The following ZNF568 variants were observed in gnomAD, a reference collection of about 807,000 sequenced individuals.
ZNF568 encodes the protein zinc finger protein 568.
Under a neutral mutation model 18.1 loss-of-function variants are expected in ZNF568, and 11 were observed. The ratio of observed to expected loss-of-function variants is 0.61; its 90% CI spans 0.38 to 1.00. The LOEUF (loss-of-function observed/expected upper bound fraction) is 1.00. Ranked by LOEUF, ZNF568 falls within the 50% of genes least tolerant of loss-of-function variation. ZNF568 has a pLI of 0.01. For synonymous variants in ZNF568, 213 were observed against 246.6 expected, an observed-to-expected ratio of 0.86 and a Z score of 1.28; for missense variants, 639 against 768.2, an observed-to-expected ratio of 0.83 and a Z score of 1.99.
Position 36,949,559 on chromosome 19 carries a change from G to A in ZNF568, c.406G>A (p.Val136Met). Residue 136 changes from valine (V) to methionine (M), a missense_variant, in exon 7 of 7, where the codon GTG becomes ATG. Physicochemically the swap from Val to Met is conservative, Grantham distance 21. Coordinates refer to ENST00000333987, the MANE Select transcript of ZNF568 (RefSeq NM_198539.4). ...EQIKKQQETLVRKVTSISKKI... is the reference protein window; with the variant it reads ...EQIKKQQETLMRKVTSISKKI... ...GATCAAGAAGCAACAGGAAACACTT[G>A]TGAGGAAAGTCACATCCATCTCCAA... The A allele has an allele frequency of 6.2e-7, 1 of 1,608,486 alleles. No individual in the cohort carries two copies. The highest frequency in any genetic ancestry group is 8.5e-7 in the Non-Finnish European group (1 of 1,177,814).
At chr19:36,976,902 C>T (rs892788941) in intron 7 of ZNF568, among the ~76,000 whole-genome samples, 3 of 150,272 alleles carry the variant, frequency 2.0e-5, no homozygotes, top group African/African-American at 7.4e-5. Flanking sequence ...AAGAGCAAAA[C>T]TCCGTCTAAG....
At position 36,950,441 on chromosome 19, in the gene ZNF568, AGTTCATCCCTAACC is replaced by A. The variant is rs1415605824; in HGVS notation, c.1291_1304del (p.Ser431ThrfsTer8). 2 of 1,613,022 alleles carry A rather than the reference AGTTCATCCCTAACC, an allele frequency of 1.2e-6. No individual in the cohort carries two copies. Among genetic ancestry groups the A allele is most frequent in the Non-Finnish European group, 1.7e-6 (2 of 1,179,376 alleles). ...TGAATGTGGGAAAGCCTTCTCTCAG[AGTTCATCCCTAACC>A]GTACATATGCGAAATCATACAGCTG... On this transcript the variant is annotated frameshift_variant, in exon 7 of 7. Transcript: ENST00000333987. LOFTEE classifies it low-confidence loss of function (END_TRUNC).
At chr19:36,975,732 T>A (rs1306984853) in intron 7 of ZNF568, among the ~76,000 whole-genome samples, 1 of 132,290 alleles carries the variant, frequency 7.6e-6, no homozygotes, top group Admixed American at 8.3e-5. Flanking sequence ...TCACTCAGGC[T>A]GGAGTGCAGT....
intron 2 of ZNF568, chr19:36,991,123 T>G: frequency 6.7e-7 from 1 of 1,500,676 alleles, no homozygotes; most frequent in Admixed American, 2.2e-5. Context: ...TTATGTTGTC[T>G]TAAAGATTTT....
intron 6 of ZNF568, among the ~76,000 whole-genome samples, chr19:36,958,624 T>TC (rs1356741121): frequency 7.2e-6 from 1 of 139,234 alleles, no homozygotes; most frequent in Non-Finnish European, 1.5e-5. Flanking sequence ...TTCTTTTTTT[T>TC]TTTTTTTTTT....
intron 6 of ZNF568, among the ~76,000 whole-genome samples, chr19:36,946,516 T>C (rs528924802): frequency 6.6e-6 from 1 of 151,994 alleles, no homozygotes; most frequent in Non-Finnish European, 1.5e-5. Flanking sequence ...TTTGTTTAAA[T>C]AAGGAATCCA....
intron 2 of ZNF568, among the ~76,000 whole-genome samples, chr19:36,919,096 G>T (rs1343511893): frequency 6.6e-6 from 1 of 152,148 alleles, no homozygotes; most frequent in Admixed American, 6.5e-5. Flanking sequence ...ACAAACATGG[G>T]TATACAACTA....
chr19:36,937,336 A>G, intron 6 of ZNF568, 94 bp downstream of exon 6: 2 of 1,012,238 alleles, frequency 2.0e-6, no homozygotes, highest in Non-Finnish European at 1.5e-6. Context: ...AGATTTTCTT[A>G]AAGGCCTTAT....
downstream of ZNF568, among the ~76,000 whole-genome samples, chr19:36,980,868 C>T (rs761916458): frequency 4.6e-5 from 7 of 152,180 alleles, no homozygotes; most frequent in East Asian, 1.9e-4. Flanking sequence ...TGATACCACA[C>T]GGCTCAAAGT....
intron 1 of ZNF568, 78 bp from the exon 2 acceptor site, chr19:36,917,501 T>G (rs192296930): frequency 1.3e-5 from 2 of 152,348 alleles, no homozygotes; most frequent in African/African-American, 2.4e-5. Context: ...CTCTTTTGTC[T>G]GATAATATTG....
At chr19:36,967,229 G>C (rs1216896447) in intron 6 of ZNF568, among the ~76,000 whole-genome samples, 2 of 152,126 alleles carry the variant, frequency 1.3e-5, no homozygotes, top group Admixed American at 6.5e-5. Context: ...TATAGTTTCT[G>C]TCCTATCATT....
At chr19:36,930,932 C>A (rs144631581) in intron 4 of ZNF568, among the ~76,000 whole-genome samples, 212 of 152,260 alleles carry the variant, frequency 1.4e-3, no homozygotes, top group African/African-American at 4.8e-3. Context: ...AGTATTTCAG[C>A]ATTTTTTTTC....
At chr19:36,995,691 T>C (rs936285935) in intron 4 of ZNF568, among the ~76,000 whole-genome samples, 4 of 152,188 alleles carry the variant, frequency 2.6e-5, no homozygotes, top group Non-Finnish European at 5.9e-5. Context: ...TTGTTTCGTA[T>C]ACAGTAGTCT....
downstream of ZNF568, among the ~76,000 whole-genome samples, chr19:36,956,566 G>A (rs1196574609): frequency 2.0e-5 from 3 of 151,628 alleles, no homozygotes; most frequent in Non-Finnish European, 2.9e-5. Flanking sequence ...TAGACATTTT[G>A]CAACAGTAGT....
chr19:36,969,388 C>T (rs992720220), intron 6 of ZNF568, among the ~76,000 whole-genome samples: 2 of 151,892 alleles, frequency 1.3e-5, no homozygotes, highest in African/African-American at 2.4e-5. Flanking sequence ...TGAAAGAGAG[C>T]GAAAGAAAAT....
intron 4 of ZNF568, among the ~76,000 whole-genome samples, chr19:36,927,686 C>A (rs956379911): frequency 6.6e-6 from 1 of 150,488 alleles, no homozygotes; most frequent in Non-Finnish European, 1.5e-5. Context: ...TACTTTGGGA[C>A]CTCTGGGCTT....
Position 36,952,434 on chromosome 19 carries a change from T to C in ZNF568, c.*1346T>C, listed in dbSNP as rs181851953. On this transcript the variant is annotated 3_prime_UTR_variant, in exon 7 of 7. Coordinates refer to ENST00000333987, the MANE Select transcript of ZNF568 (RefSeq NM_198539.4). ...CCAGATCCATATTGTGTAACATGGA[T>C]AGTTAAAACAATGTTGAATGAAAAA... 6 of 152,334 alleles carry C rather than the reference T, an allele frequency of 3.9e-5. No individual in the cohort carries two copies. Among genetic ancestry groups the C allele is most frequent in the African/African-American group, 1.4e-4 (6 of 41,586 alleles). The allele number at this position is 152,334 out of a possible 1,614,324, so 9.4% of individuals were successfully genotyped here.
At chr19:36,997,416 C>A (rs747406853), downstream of ZNF568, 3 of 1,586,368 alleles carry the variant, frequency 1.9e-6, no homozygotes, top group South Asian at 1.1e-5. Flanking sequence ...TTACTTGTAG[C>A]ACAGAACTTG....
At chr19:36,987,842 G>GTGTGTGTGTGTGTA (rs1189895543) in intron 2 of ZNF568, among the ~76,000 whole-genome samples, 1,906 of 151,862 alleles carry the variant, frequency 0.013, 40 homozygotes, top group African/African-American at 0.043. Context: ...GTGTGTGTGT[G>GTGTGTGTGTGTGTA]TGTGTGTGTT....
Sources: allele counts gnomAD v4.1 joint callset (sites outside exome capture counted in the v4.1 genomes callset), GRCh38; gene constraint gnomAD v4.1.1; transcripts MANE v1.5; gene names NCBI Gene and HGNC (gene_info 2026-07-23, HGNC 2026-07-21).